Variants in DNAH6 observed in about 807,000 individuals in gnomAD.
DNAH6 encodes dynein axonemal heavy chain 6.
Under a neutral mutation model 491.4 loss-of-function variants are expected in DNAH6, and 340 were observed. That is an observed-to-expected ratio of 0.69 (90% CI 0.63 to 0.76). The LOEUF is 0.76. DNAH6 is among the 30% of genes least tolerant of loss of function. DNAH6 has a pLI of 0.00. For missense variants in DNAH6, 4,443 were observed against 4,972.2 expected (o/e 0.89, Z 3.20); for synonymous variants, 1,603 against 1,686.1 (o/e 0.95, Z 1.21).
chr2:84,573,500 A>T lies in DNAH6; in HGVS notation c.1837A>T (p.Ile613Phe), dbSNP rs1216882762. Residue 613 changes from isoleucine to phenylalanine, a missense_variant, in exon 12 of 77, where the codon ATC (isoleucine) becomes TTC (phenylalanine). By Grantham distance (21) the Ile-to-Phe change is conservative. Around this residue, in one of 3 missense-constraint regions of DNAH6, gnomAD observed 2,977 missense variants for 3,296.6 expected, o/e 0.90. Coordinates refer to ENST00000389394, the MANE Select transcript of DNAH6 (RefSeq NM_001370.2). ...TIQAAFESAR[I>F]YAATFEKFQI... ...TCAGGCCGCATTTGAATCAGCCCGC[A>T]TCTATGCAGCTACCTTTGAAAAGTT... The T allele has an allele frequency of 1.3e-6, 2 of 1,593,028 alleles. No individual in the cohort carries two copies. The highest frequency in any genetic ancestry group is 2.7e-5 in the African/African-American group (2 of 73,630).
chr2:84,489,126 T>C, the DNAH6 span, among the ~76,000 whole-genome samples: 1 of 152,306 alleles, frequency 6.6e-6, no homozygotes, highest in South Asian at 2.1e-4. Flanking sequence ...TAAGAGTTTC[T>C]TTTTTGCTTT....
At chr2:84,481,765 C>G in the DNAH6 span, among the ~76,000 whole-genome samples, 1 of 152,210 alleles carries the variant, frequency 6.6e-6, no homozygotes, top group African/African-American at 2.4e-5. Context: ...CTATGCCACT[C>G]TGGCACAAAG....
At position 84,694,233 on chromosome 2, in the gene DNAH6, G is replaced by A. The variant is rs771192785; in HGVS notation, c.7293-16G>A. On this transcript the variant is annotated splice_polypyrimidine_tract_variant and intron_variant, in intron 45 of 76. Coordinates refer to ENST00000389394, the MANE Select transcript of DNAH6 (RefSeq NM_001370.2). Reference sequence around the variant, plus strand: ...TCTGTGAACTTGAAATAAACCCTCTGCTCTGATGTTTGCAGGATTGCTCGG... The same window carrying A: ...TCTGTGAACTTGAAATAAACCCTCTACTCTGATGTTTGCAGGATTGCTCGG... 1.9e-5 allele frequency: 30 copies of A among 1,549,120 alleles called. No homozygotes were observed. The South Asian group carries it at 3.6e-4, about 18-fold the overall frequency.
At chr2:84,570,620 G>A (rs918392988) in intron 11 of DNAH6, among the ~76,000 whole-genome samples, 2 of 151,756 alleles carry the variant, frequency 1.3e-5, no homozygotes, top group Admixed American at 1.3e-4. Flanking sequence ...ACCAATCAGC[G>A]CTCTGTCTCT....
At position 84,588,877 on chromosome 2, in the gene DNAH6, T is replaced by C. The variant is rs1683822338; in HGVS notation, c.2533T>C (p.Leu845=). The change falls in exon 16 of 77, where the codon TTG becomes CTG. Residue 845 remains leucine, a synonymous_variant. Coordinates refer to ENST00000389394, the MANE Select transcript of DNAH6 (RefSeq NM_001370.2). ...SADQDKIRLI[L]NNLQSVLADL... is the part of the protein sequence containing the mutation. ...TGACCAAGACAAAATAAGGCTCATATTGAATAATCTGCAATCTGTTCTGGC... is the reference window on the plus strand; with the variant it reads ...TGACCAAGACAAAATAAGGCTCATACTGAATAATCTGCAATCTGTTCTGGC... The C allele has an allele frequency of 1.3e-6, 2 of 1,550,864 alleles. No individual in the cohort carries two copies. The highest frequency in any genetic ancestry group is 1.7e-6 in the Non-Finnish European group (2 of 1,146,436).
chr2:84,664,080 C>G (rs911031518), intron 37 of DNAH6, among the ~76,000 whole-genome samples: 15 of 152,144 alleles, frequency 9.9e-5, no homozygotes, highest in Admixed American at 9.2e-4. Context: ...GCCAGCCTTG[C>G]AAGAGCTCCT....
Position 84,808,444 on chromosome 2 carries a change from AGCCTTTTT to A in DNAH6, c.11643_11650del (p.Leu3882GlnfsTer22). ...ACTGGAAATGGAGGGTGCTTCTGAG[AGCCTTTTT>A]GTCAAGGATCTTCAAGGACGTCTGA... On this transcript the variant is annotated frameshift_variant, in exon 72 of 77. Coordinates refer to ENST00000389394, the MANE Select transcript of DNAH6 (RefSeq NM_001370.2). LOFTEE classifies it high-confidence loss of function. The A allele has an allele frequency of 1.3e-6, 2 of 1,545,268 alleles. No homozygotes were observed. The highest frequency in any genetic ancestry group is 1.7e-6 in the Non-Finnish European group (2 of 1,145,080).
At chr2:84,697,262 T>C (rs1695483906) in intron 46 of DNAH6, among the ~76,000 whole-genome samples, 1 of 152,162 alleles carries the variant, frequency 6.6e-6, no homozygotes, top group Non-Finnish European at 1.5e-5. Context: ...TTTTGATAAA[T>C]ATGATGAGTA....
rs539876208 is a variant in DNAH6, at chr2:84,561,415, G to A, written c.1803+3480G>A. 8.5e-4 allele frequency among the ~76,000 whole-genome samples: 130 copies of A among 152,210 alleles called. 2 individuals are homozygous for A. Among genetic ancestry groups the A allele is most frequent in the African/African-American group, 3.0e-3 (124 of 41,540 alleles). ...AGATGGATTAAAAACTTAAACGTTA[G>A]ACCTAAAACCATAAAAACCCTAGAA... is the stretch of plus-strand genomic sequence containing the variant. On this transcript the variant is annotated intron_variant, in intron 11 of 76. Transcript: ENST00000389394.
intron 70 of DNAH6, among the ~76,000 whole-genome samples, chr2:84,800,788 T>C (rs1678814027): frequency 6.6e-6 from 1 of 152,164 alleles, no homozygotes; most frequent in Middle Eastern, 3.2e-3. Context: ...CCATTTATTA[T>C]CATTCCTTGG....
chr2:84,784,722 A>G lies in DNAH6; in HGVS notation c.10865A>G (p.Asp3622Gly). 2 of 1,542,108 alleles carry G rather than the reference A, an allele frequency of 1.3e-6. No homozygotes were observed. Among genetic ancestry groups the G allele is most frequent in the African/African-American group, 1.4e-5 (1 of 72,890 alleles). The change falls in exon 66 of 77, where the codon GAT (aspartate) becomes GGT (glycine). Residue 3622 changes from aspartate (D) to glycine (G), a missense_variant and splice_region_variant. Coordinates refer to ENST00000389394, the MANE Select transcript of DNAH6 (RefSeq NM_001370.2). ...GTTGTTTTATCTTTGTTTTAAGCAG[A>G]TAGTGCTATCAAGGACACTTTTCGA... Reference protein sequence around the residue: ...EELIKTFTDPDSAIKDTFRLF... With the variant: ...EELIKTFTDPGSAIKDTFRLF...
At chr2:84,684,479 A>G (rs141504296) in intron 42 of DNAH6, among the ~76,000 whole-genome samples, 181 of 152,360 alleles carry the variant, frequency 1.2e-3, no homozygotes, top group Middle Eastern at 6.8e-3. Context: ...TTATTTCTAC[A>G]AATATTAACT....
chr2:84,771,834 T>C (rs995860602), intron 64 of DNAH6, among the ~76,000 whole-genome samples: 11 of 152,186 alleles, frequency 7.2e-5, no homozygotes, highest in African/African-American at 2.7e-4. Flanking sequence ...TAAAAGGAGT[T>C]GTTCAGACTA....
chr2:84,610,726 A>G (rs1686240846), intron 21 of DNAH6, among the ~76,000 whole-genome samples: 1 of 152,212 alleles, frequency 6.6e-6, no homozygotes, highest in African/African-American at 2.4e-5. Flanking sequence ...AGTAAGAGGG[A>G]AAAGATAACC....
chr2:84,784,216 C>T (rs1356024615), intron 65 of DNAH6, among the ~76,000 whole-genome samples: 1 of 152,176 alleles, frequency 6.6e-6, no homozygotes, highest in Non-Finnish European at 1.5e-5. Flanking sequence ...AGTGCATTGA[C>T]TTAACGTGCT....
intron 11 of DNAH6, among the ~76,000 whole-genome samples, chr2:84,572,903 C>T (rs1250427395): frequency 6.6e-6 from 1 of 152,042 alleles, no homozygotes; most frequent in African/African-American, 2.4e-5. Context: ...GATTGGAAAT[C>T]GTTGTCTTGG....
chr2:84,654,690 A>G lies in DNAH6; in HGVS notation c.5665A>G (p.Thr1889Ala), dbSNP rs2104571282. The G allele has an allele frequency of 6.4e-7, 1 of 1,551,122 alleles. No individual in the cohort carries two copies. Among genetic ancestry groups the G allele is most frequent in the African/African-American group, 1.4e-5 (1 of 73,094 alleles). The change falls in exon 35 of 77, where the codon ACA becomes GCA. Residue 1889 changes from threonine to alanine, a missense_variant. Physicochemically the swap from Thr to Ala is moderately conservative, Grantham distance 58. Coordinates refer to ENST00000389394, the MANE Select transcript of DNAH6 (RefSeq NM_001370.2). Reference sequence around the variant, plus strand: ...AGATCTGCGGGTTGCCTCCCCTGCAACAGTCAGTCGATGTGGAATGGTGTT... The same window carrying G: ...AGATCTGCGGGTTGCCTCCCCTGCAGCAGTCAGTCGATGTGGAATGGTGTT... Reference protein sequence around the residue: ...VQDLRVASPATVSRCGMVFVD... With the variant: ...VQDLRVASPAAVSRCGMVFVD...
At chr2:84,480,264 G>GT in the DNAH6 span, among the ~76,000 whole-genome samples, 4 of 152,054 alleles carry the variant, frequency 2.6e-5, no homozygotes, top group South Asian at 2.1e-4. Context: ...TAATCAGTAG[G>GT]TTTTTTTTAA....
chr2:84,579,410 A>G, intron 13 of DNAH6, 117 bp from the exon 14 acceptor site: 1 of 1,112,372 alleles, frequency 9.0e-7, no homozygotes, highest in Non-Finnish European at 1.3e-6. Context: ...GTCTCTTCGT[A>G]TTCACTGCTG....
Sources: allele counts gnomAD v4.1 joint callset (sites outside exome capture counted in the v4.1 genomes callset), GRCh38; gene constraint gnomAD v4.1.1; regional missense constraint gnomAD v4.1.1; transcripts MANE v1.5; gene names NCBI Gene and HGNC (gene_info 2026-07-23, HGNC 2026-07-21).